RBFOX1: variants seen among roughly 807,000 people sequenced by gnomAD.
RBFOX1 encodes the protein RNA binding fox-1 homolog 1, also known as RNA binding protein fox-1 homolog 1.
RBFOX1 carries 8 observed loss-of-function variants against 57.7 expected under a neutral mutation model. That is an observed-to-expected ratio of 0.14 (90% CI 0.08 to 0.25). RBFOX1 has a LOEUF of 0.25. Ranked by LOEUF, RBFOX1 falls within the 10% of genes least tolerant of loss-of-function variation. RBFOX1 has a pLI of 1.00. For missense variants in RBFOX1, 611 were observed against 548.5 expected, an observed-to-expected ratio of 1.11 and a Z score of -1.14; for synonymous variants, 326 against 222.4, an observed-to-expected ratio of 1.47 and a Z score of -4.15.
At chr16:7,126,398 A>C in intron 4 of RBFOX1, 1 of 241,034 alleles carries the variant, frequency 4.1e-6, no homozygotes, top group Non-Finnish European at 8.5e-6. Flanking sequence ...TGACTACTTT[A>C]CTGTGAACTG....
intron 1 of RBFOX1, among the ~76,000 whole-genome samples, chr16:6,091,187 C>T (rs1024600863): frequency 2.0e-5 from 3 of 152,246 alleles, no homozygotes; most frequent in Admixed American, 6.5e-5. Flanking sequence ...ACCCATTAAC[C>T]GATTTGTCTT....
intron 3 of RBFOX1, among the ~76,000 whole-genome samples, chr16:5,819,446 C>T (rs1173788872): frequency 6.6e-6 from 1 of 152,204 alleles, no homozygotes; most frequent in Non-Finnish European, 1.5e-5. Flanking sequence ...TGCTCTGCTT[C>T]TGCTCTAGAG....
At chr16:5,347,818 T>G (rs2065175404) in intron 1 of RBFOX1, among the ~76,000 whole-genome samples, 3 of 114,156 alleles carry the variant, frequency 2.6e-5, no homozygotes, top group Admixed American at 1.9e-4. Flanking sequence ...AATCATGCAC[T>G]CACCCACCCT....
intron 3 of RBFOX1, among the ~76,000 whole-genome samples, chr16:6,658,166 A>G (rs1268991265): frequency 6.6e-6 from 1 of 151,696 alleles, no homozygotes; most frequent in Non-Finnish European, 1.5e-5. Context: ...GAGATGAATG[A>G]TTTTCCCACT....
At chr16:6,125,182 C>G (rs2096580543) in intron 1 of RBFOX1, among the ~76,000 whole-genome samples, 1 of 152,202 alleles carries the variant, frequency 6.6e-6, no homozygotes, top group African/African-American at 2.4e-5. Flanking sequence ...GTGTTACCTC[C>G]TCTTACAGTC....
chr16:7,238,125 C>T (rs982632511), intron 4 of RBFOX1, among the ~76,000 whole-genome samples: 3 of 152,114 alleles, frequency 2.0e-5, no homozygotes, highest in Non-Finnish European at 4.4e-5. Flanking sequence ...ATATGAGGTG[C>T]CCATAGTTGT....
intron 4 of RBFOX1, among the ~76,000 whole-genome samples, chr16:7,395,579 G>A (rs2098126490): frequency 6.6e-6 from 1 of 152,162 alleles, no homozygotes; most frequent in African/African-American, 2.4e-5. Context: ...AGAAAACAAG[G>A]CGAGACAAAA....
At chr16:7,388,496 G>A (rs975087064) in intron 4 of RBFOX1, among the ~76,000 whole-genome samples, 16 of 152,006 alleles carry the variant, frequency 1.1e-4, no homozygotes, top group South Asian at 6.2e-4. Flanking sequence ...CTCTCTGCCC[G>A]GGATAACTTG....
At chr16:6,138,942 C>G (rs2096690255) in intron 1 of RBFOX1, among the ~76,000 whole-genome samples, 1 of 152,178 alleles carries the variant, frequency 6.6e-6, no homozygotes, top group Admixed American at 6.5e-5. Context: ...AATTACAGGA[C>G]TTGCCCACAC....
intron 1 of RBFOX1, chr16:5,366,417 C>T (rs996848244): frequency 2.3e-6 from 1 of 443,496 alleles, no homozygotes; most frequent in South Asian, 1.8e-5. Flanking sequence ...GCCAAAAATG[C>T]ACACAAGTCA....
intron 4 of RBFOX1, among the ~76,000 whole-genome samples, chr16:7,303,259 G>A (rs1162967157): frequency 2.6e-5 from 4 of 152,206 alleles, no homozygotes; most frequent in Admixed American, 2.0e-4. Flanking sequence ...GTGCATCGGC[G>A]CTTCGGTGCT....
intron 1 of RBFOX1, among the ~76,000 whole-genome samples, chr16:6,246,725 C>T (rs891822133): frequency 5.9e-5 from 9 of 152,158 alleles, no homozygotes; most frequent in Non-Finnish European, 1.3e-4. Context: ...GGATAGGGAG[C>T]GTTTGTCCAG....
intron 2 of RBFOX1, among the ~76,000 whole-genome samples, chr16:6,520,135 G>A (rs1224672068): frequency 6.6e-6 from 1 of 152,114 alleles, no homozygotes; most frequent in Non-Finnish European, 1.5e-5. Flanking sequence ...GCTTCTTCAT[G>A]GCCATCCTTT....
intron 2 of RBFOX1, among the ~76,000 whole-genome samples, chr16:6,380,052 G>A (rs934464794): frequency 4.6e-5 from 7 of 152,168 alleles, no homozygotes; most frequent in Admixed American, 3.3e-4. Context: ...AAGGAAGTCC[G>A]TAGGCTTTAT....
chr16:6,747,453 T>TGTCC (rs2073964313), intron 3 of RBFOX1, among the ~76,000 whole-genome samples: 1 of 149,864 alleles, frequency 6.7e-6, no homozygotes, highest in African/African-American at 2.5e-5. Context: ...TTAGTCTGTC[T>TGTCC]GTCTGTCTGT....
rs565209585 is a variant in RBFOX1 at position 5,811,513 on chromosome 16, C to T, written c.319-55790C>T. Among the ~76,000 whole-genome samples, 25 of 149,826 alleles carry T rather than the reference C, an allele frequency of 1.7e-4. No homozygotes were observed. The South Asian group carries it at 5.1e-3, about 30-fold the overall frequency. Reference sequence around the variant, plus strand: ...GTCACCAGGCTGGAGTGCAGTGGCACAATCTCAGCTCACCGCAACCTCTGC... The same window carrying T: ...GTCACCAGGCTGGAGTGCAGTGGCATAATCTCAGCTCACCGCAACCTCTGC... On this transcript the variant is annotated intron_variant, in intron 3 of 19. Coordinates refer to the RBFOX1 transcript ENST00000641259.
chr16:7,391,814 A>AAATG (rs955698511), intron 4 of RBFOX1, among the ~76,000 whole-genome samples: 35 of 147,548 alleles, frequency 2.4e-4, no homozygotes, highest in African/African-American at 8.9e-4. Context: ...ATGGATGGAG[A>AAATG]AATGAATGAA....
At chr16:5,689,042 C>T (rs1401239962) in intron 3 of RBFOX1, among the ~76,000 whole-genome samples, 1 of 152,184 alleles carries the variant, frequency 6.6e-6, no homozygotes, top group Non-Finnish European at 1.5e-5. Flanking sequence ...TTTATTTTGA[C>T]ATCTTGTGTC....
chr16:7,316,025 C>G (rs575582383), intron 4 of RBFOX1, among the ~76,000 whole-genome samples: 27 of 152,200 alleles, frequency 1.8e-4, no homozygotes, highest in Middle Eastern at 3.4e-3. Context: ...GGTGATTCAC[C>G]CAAACAAACA....
Sources: allele counts gnomAD v4.1 joint callset (sites outside exome capture counted in the v4.1 genomes callset), GRCh38; gene constraint gnomAD v4.1.1; transcripts MANE v1.5; gene names NCBI Gene and HGNC (gene_info 2026-07-23, HGNC 2026-07-21).